TTN: variants seen among roughly 807,000 people sequenced by gnomAD.
TTN encodes titin.
In TTN, 1,525 loss-of-function variants were observed where a neutral mutation model predicts 3,223.0. That is an observed-to-expected ratio of 0.47 (90% CI 0.45 to 0.49). TTN has a LOEUF of 0.49. Ranked by LOEUF, TTN falls within the 20% of genes least tolerant of loss-of-function variation. TTN has a pLI of 0.00. For synonymous variants in TTN, 14,094 were observed against 15,161.0 expected (o/e 0.93, Z 5.17); for missense variants, 40,786 against 43,424.0 (o/e 0.94, Z 5.40).
chr2:178,802,542 T>G (rs1023752694), intron 2 of TTN, among the ~76,000 whole-genome samples: 1 of 152,162 alleles, frequency 6.6e-6, no homozygotes, highest in Non-Finnish European at 1.5e-5. Flanking sequence ...GGGAGGAAAC[T>G]GAGACCAAAA....
chr2:178,757,846 C>T lies in TTN; in HGVS notation c.10374G>A (p.Lys3458=). 1 of 1,587,550 alleles carries T rather than the reference C, an allele frequency of 6.3e-7. No homozygotes were observed. The highest frequency in any genetic ancestry group is 8.6e-7 in the Non-Finnish European group (1 of 1,167,352). The change falls in exon 45 of 363, where the codon AAG becomes AAA. Residue 3458 remains lysine (K), a synonymous_variant. Coordinates refer to ENST00000589042, the MANE Select transcript of TTN (RefSeq NM_001267550.2). ...WHVSLSVSFK[K]EPLGQKPSFI... The stretch of plus-strand genomic sequence containing the variant: ...AGCTGGGCTTTTGGCCAAGGGGCTC[C>T]TTCTTAAATGAAACTGATAAAGAGA...
Position 178,766,596 on chromosome 2 carries a change from C to T in TTN, c.9488G>A (p.Arg3163His), listed in dbSNP as rs149755500. ...ATTGACCTCAAATTCAACAACAGCACGCTGTTTCTCAATGACCTGTTGATG... is the reference window on the plus strand; with the variant it reads ...ATTGACCTCAAATTCAACAACAGCATGCTGTTTCTCAATGACCTGTTGATG... The part of the protein sequence containing the change: ...KKEVQVIEKQ[R>H]AVVEFEVNED... The change falls in exon 41 of 363, where the codon CGT becomes CAT. Residue 3163 changes from arginine (R) to histidine (H), a missense_variant. Coordinates refer to ENST00000589042, the MANE Select transcript of TTN (RefSeq NM_001267550.2). 3.4e-4 allele frequency: 548 copies of T among 1,612,956 alleles called. 1 individual carries two copies. Among genetic ancestry groups the T allele is most frequent in the African/African-American group, 5.2e-4 (39 of 74,916 alleles).
At position 178,576,956 on chromosome 2, in the gene TTN, G is replaced by A; in HGVS notation, c.69379C>T (p.Gln23127Ter). The change falls in exon 324 of 363, where the codon CAG becomes TAG. Residue 23127 changes from glutamine (Q) to a stop codon, truncating the protein, a stop_gained. Transcript: ENST00000589042. LOFTEE classifies it high-confidence loss of function. This position sits in a 1 kb window ranked among gnomAD's most constrained non-coding sequence, Gnocchi z 4.3. ...VNHYGKGEPVQSEPVKMVDRF... is the reference protein window; with the variant it reads ...VNHYGKGEPV ...TCTACCATTTTGACAGGTTCAGACT[G>A]TACAGGTTCTCCTTTGCCATAGTGG... The A allele has an allele frequency of 6.2e-7, 1 of 1,613,400 alleles. No homozygotes were observed. The highest frequency in any genetic ancestry group is 8.5e-7 in the Non-Finnish European group (1 of 1,179,534).
At position 178,651,619 on chromosome 2, in the gene TTN, C is replaced by A. The variant is rs183038412; in HGVS notation, c.39463+47G>T. On this transcript the variant is annotated intron_variant, in intron 206 of 362. Transcript: ENST00000589042. ...TGAAGCAGAACAGTAGAATATGACA[C>A]TTCAAAGAAAGTTTTTTGTTAGGGA... 1,447 of 1,612,230 alleles carry A rather than the reference C, an allele frequency of 9.0e-4. 1 individual carries two copies. Among genetic ancestry groups the A allele is most frequent in the Admixed American group, 1.4e-3 (84 of 59,754 alleles).
rs534340303 is a variant in TTN, at chr2:178,578,642, G to T, written c.68298C>A (p.Asp22766Glu). 4.0e-5 allele frequency: 65 copies of T among 1,612,044 alleles called. 1 individual carries two copies. The East Asian group carries it at 1.3e-3, about 32-fold the overall frequency. Residue 22766 changes from aspartate to glutamate, a missense_variant, in exon 321 of 363, where the codon GAC (aspartate) becomes GAA (glutamate). Coordinates refer to ENST00000589042, the MANE Select transcript of TTN (RefSeq NM_001267550.2). ...RHDSVSLTWT[D>E]PKKTGGSPIT... Reference sequence around the variant, plus strand: ...TTGGAGAACCACCAGTTTTCTTGGGGTCAGTCCAAGTTAGAGATACTGAAT... The same window carrying T: ...TTGGAGAACCACCAGTTTTCTTGGGTTCAGTCCAAGTTAGAGATACTGAAT...
At chr2:178,658,658 A>T in intron 183 of TTN, 47 bp downstream of exon 183, 1 of 1,537,534 alleles carries the variant, frequency 6.5e-7, no homozygotes, top group Non-Finnish European at 8.8e-7. Flanking sequence ...ACTTCTATAC[A>T]GTCTTTCCCC....
In TTN at chr2:178,530,311, C is replaced by G. The variant is rs1423928961; in HGVS notation, c.106304G>C (p.Ser35435Thr). ...AGCCTTAACTGCAAATTTAGCAACA[C>G]TGTCTGAAGAAACAGTTGTATCCTG... The part of the protein sequence containing the change: ...GLQDTTVSSD[S>T]VAKFAVKATG... Residue 35435 changes from serine (S) to threonine (T), a missense_variant, in exon 358 of 363, where the codon AGT becomes ACT. Ser to Thr is a moderately conservative substitution (Grantham distance 58). Transcript: ENST00000589042. The G allele has an allele frequency of 6.8e-6, 11 of 1,613,862 alleles. No homozygotes were observed. The highest frequency in any genetic ancestry group is 9.3e-6 in the Non-Finnish European group (11 of 1,179,788).
At position 178,563,059 on chromosome 2, in the gene TTN, A is replaced by G. The variant is rs569803719; in HGVS notation, c.83073T>C (p.Ala27691=). The G allele has an allele frequency of 1.4e-5, 22 of 1,613,702 alleles. No homozygotes were observed. The Admixed American group carries it at 2.5e-4, about 18-fold the overall frequency. The part of the protein sequence containing the change: ...LRKVVVLRAS[A]TLRLFVTIKG... ...TGATAGTGACAAATAAGCGTAAAGTAGCACTTGCACGCAGAACGACCACCT... is the reference window on the plus strand; with the variant it reads ...TGATAGTGACAAATAAGCGTAAAGTGGCACTTGCACGCAGAACGACCACCT... Residue 27691 remains alanine (A), a synonymous_variant, in exon 326 of 363, where the codon GCT becomes GCC. Transcript: ENST00000589042. This position sits in a 1 kb window ranked among gnomAD's most constrained non-coding sequence, Gnocchi z 4.5.
chr2:178,672,603 A>G (rs747470040), intron 153 of TTN, 32 bp downstream of exon 153: 45 of 1,610,472 alleles, frequency 2.8e-5, no homozygotes, highest in Non-Finnish European at 3.6e-5. Flanking sequence ...AAAAGACAGA[A>G]GAGGAAGTCA....
In TTN at chr2:178,608,664, G is replaced by T. The variant is rs1165942763; in HGVS notation, c.52347C>A (p.Asn17449Lys). The change falls in exon 274 of 363, where the codon AAC becomes AAA. Residue 17449 changes from asparagine (N) to lysine (K), a missense_variant. By Grantham distance (94) the Asn-to-Lys change is moderately conservative. Coordinates refer to ENST00000589042, the MANE Select transcript of TTN (RefSeq NM_001267550.2). ...KEYLFRVRAE[N>K]RFGPGPPCVS... ...CACATGGTGGACCTGGCCCAAATCT[G>T]TTTTCAGCTCTTACACGGAAGAGGT... 3.7e-6 allele frequency: 6 copies of T among 1,611,932 alleles called. No individual in the cohort carries two copies. The Admixed American group carries it at 1.0e-4, about 27-fold the overall frequency.
Position 178,563,074 on chromosome 2 carries a change from AACGACC to A in TTN, c.83052_83057del (p.Val27685_Val27686del). The A allele has an allele frequency of 6.2e-7, 1 of 1,613,708 alleles. No individual in the cohort carries two copies. Among genetic ancestry groups the A allele is most frequent in the Non-Finnish European group, 8.5e-7 (1 of 1,179,714 alleles). ...AGCGTAAAGTAGCACTTGCACGCAGAACGACCACCTTTCTGAGATCAGCATCGAGTT... is the reference window on the plus strand; with the variant it reads ...AGCGTAAAGTAGCACTTGCACGCAGAACCTTTCTGAGATCAGCATCGAGTT... On this transcript the variant is annotated inframe_deletion, in exon 326 of 363. Coordinates refer to ENST00000589042, the MANE Select transcript of TTN (RefSeq NM_001267550.2). The surrounding 1 kb of genome is among the most constrained non-coding windows in gnomAD (Gnocchi z 4.5).
Position 178,553,559 on chromosome 2 carries a change from C to T in TTN, c.89446G>A (p.Ala29816Thr), listed in dbSNP as rs1202640947. Residue 29816 changes from alanine to threonine, a missense_variant, in exon 334 of 363, where the codon GCT becomes ACT. Coordinates refer to ENST00000589042, the MANE Select transcript of TTN (RefSeq NM_001267550.2). ...ATTTCTATAGGTTCTCCTTGTCCAGCACAGTTTACAGCAGATACCCGGAAG... is the reference window on the plus strand; with the variant it reads ...ATTTCTATAGGTTCTCCTTGTCCAGTACAGTTTACAGCAGATACCCGGAAG... ...YYFRVSAVNCAGQGEPIEMNE... is the reference protein window; with the variant it reads ...YYFRVSAVNCTGQGEPIEMNE... 3 of 1,613,872 alleles carry T rather than the reference C, an allele frequency of 1.9e-6. No homozygotes were observed. Among genetic ancestry groups the T allele is most frequent in the Non-Finnish European group, 2.5e-6 (3 of 1,179,794 alleles).
At position 178,720,961 on chromosome 2, in the gene TTN, A is replaced by G. The variant is rs925246428; in HGVS notation, c.23058T>C (p.Gly7686=). ...SGDYICEAHN[G]VGDASCSTAL... is the part of the protein sequence containing the mutation. ...CTGTGCTGCAGCTGGCGTCACCAAC[A>G]CCATTATGAGCCTCACAAATGTAGT... The change falls in exon 79 of 363, where the codon GGT becomes GGC. Residue 7686 remains glycine (G), a synonymous_variant. Coordinates refer to ENST00000589042, the MANE Select transcript of TTN (RefSeq NM_001267550.2). 6.2e-7 allele frequency: 1 copy of G among 1,602,076 alleles called. No individual in the cohort carries two copies. Among genetic ancestry groups the G allele is most frequent in the African/African-American group, 1.3e-5 (1 of 74,740 alleles).
In TTN at chr2:178,557,924, G is replaced by C. The variant is rs1208554527; in HGVS notation, c.87430C>G (p.Pro29144Ala). 3 of 1,613,194 alleles carry C rather than the reference G, an allele frequency of 1.9e-6. No individual in the cohort carries two copies. The highest frequency in any genetic ancestry group is 4.5e-5 in the East Asian group (2 of 44,874). The change falls in exon 328 of 363, where the codon CCT (proline) becomes GCT (alanine). Residue 29144 changes from proline to alanine, a missense_variant. Coordinates refer to ENST00000589042, the MANE Select transcript of TTN (RefSeq NM_001267550.2). ...TCAGTTATATCACTAATAACAACAG[G>C]GCCAGTTGGAGGACCAGGCCTGTCT... ...VLDRPGPPTG[P>A]VVISDITEES... is the part of the protein sequence containing the mutation.
At position 178,570,582 on chromosome 2, in the gene TTN, G is replaced by A. The variant is rs879057795; in HGVS notation, c.75550C>T (p.Leu25184=). ...TCTCCTGCAACATTTTTGGCCTTCA[G>A]TATGTAATTTCCACTGTCGACACGT... ...AVRVDSGNYI[L]KAKNVAGERS... is the part of the protein sequence containing the mutation. The change falls in exon 326 of 363, where the codon CTG becomes TTG. Residue 25184 remains leucine (L), a synonymous_variant. Transcript: ENST00000589042. 3 of 1,613,354 alleles carry A rather than the reference G, an allele frequency of 1.9e-6. No homozygotes were observed. Among genetic ancestry groups the A allele is most frequent in the Non-Finnish European group, 2.5e-6 (3 of 1,179,630 alleles).
At chr2:178,639,482 G>A (rs918532215) in intron 223 of TTN, among the ~76,000 whole-genome samples, 1 of 151,984 alleles carries the variant, frequency 6.6e-6, no homozygotes, top group Non-Finnish European at 1.5e-5. Context: ...ACCCAGGAAC[G>A]TACATTCCAG....
chr2:178,543,036 C>CTTTTTTTTTTT, intron 347 of TTN, 33 bp downstream of exon 347: 1 of 1,392,066 alleles, frequency 7.2e-7, no homozygotes, highest in Non-Finnish European at 9.6e-7. Flanking sequence ...TTTTACTTTA[C>CTTTTTTTTTTT]TTTTTTTTTT....
rs749677127 is a variant in TTN at position 178,563,586 on chromosome 2, A to T, written c.82546T>A (p.Trp27516Arg). The change falls in exon 326 of 363, where the codon TGG becomes AGG. Residue 27516 changes from tryptophan to arginine, a missense_variant. Physicochemically the swap from Trp to Arg is moderately radical, Grantham distance 101. Transcript: ENST00000589042. The surrounding 1 kb of genome is among the most constrained non-coding windows in gnomAD (Gnocchi z 4.5). ...AATGTTTTCTTGTTGCACTTGGTCCATCTAACGCCTTCCTTATCTCGTTTT... is the reference window on the plus strand; with the variant it reads ...AATGTTTTCTTGTTGCACTTGGTCCTTCTAACGCCTTCCTTATCTCGTTTT... ...LEKRDKEGVR[W>R]TKCNKKTLTD... is the part of the protein sequence containing the mutation. The T allele has an allele frequency of 6.2e-7, 1 of 1,613,782 alleles. No individual in the cohort carries two copies. The highest frequency in any genetic ancestry group is 8.5e-7 in the Non-Finnish European group (1 of 1,179,774).
At position 178,621,550 on chromosome 2, in the gene TTN, C is replaced by A; in HGVS notation, c.45274G>T (p.Ala15092Ser). The A allele has an allele frequency of 6.2e-7, 1 of 1,612,486 alleles. No individual in the cohort carries two copies. Among genetic ancestry groups the A allele is most frequent in the Non-Finnish European group, 8.5e-7 (1 of 1,179,094 alleles). ...TAGTTGCCAGCATCCTCAAGGTGAG[C>A]GTTCTGAATGACCAGGATTCTCTTC... The part of the protein sequence containing the change: ...GRKRILVIQN[A>S]HLEDAGNYNC... The change falls in exon 245 of 363, where the codon GCT (alanine) becomes TCT (serine). Residue 15092 changes from alanine (A) to serine (S), a missense_variant. Ala to Ser is a moderately conservative substitution (Grantham distance 99). Coordinates refer to ENST00000589042, the MANE Select transcript of TTN (RefSeq NM_001267550.2).
Sources: allele counts gnomAD v4.1 joint callset (sites outside exome capture counted in the v4.1 genomes callset), GRCh38; gene constraint gnomAD v4.1.1; non-coding constraint Gnocchi (gnomAD v3.1); transcripts MANE v1.5; gene names NCBI Gene and HGNC (gene_info 2026-07-23, HGNC 2026-07-21).